The following URI1 variants were observed in gnomAD, a reference collection of about 807,000 sequenced individuals.
The protein encoded by URI1 is URI1 prefoldin like chaperone.
In URI1, 39 loss-of-function variants were observed where a neutral mutation model predicts 60.2. The ratio of observed to expected loss-of-function variants is 0.65; its 90% CI spans 0.50 to 0.85. URI1 has a LOEUF of 0.85. URI1 is among the 40% of genes least tolerant of loss of function. URI1 has a pLI of 0.00. For missense variants in URI1, 691 were observed against 665.9 expected (o/e 1.04, Z -0.42); for synonymous variants, 251 against 236.8 (o/e 1.06, Z -0.55).
At chr19:29,949,162 G>C (rs1487274817) in intron 1 of URI1, among the ~76,000 whole-genome samples, 2 of 150,250 alleles carry the variant, frequency 1.3e-5, no homozygotes. Context: ...TGGGGCGGCT[G>C]TGGGGCAGAG....
chr19:29,985,271 C>G lies in URI1; in HGVS notation c.201C>G (p.Thr67=), dbSNP rs778359406. The G allele has an allele frequency of 3.3e-5, 53 of 1,610,728 alleles. No individual in the cohort carries two copies. The highest frequency in any genetic ancestry group is 4.2e-5 in the Non-Finnish European group (49 of 1,178,376). ...ATGCCCTTCGAGAAAGACTCAGCAC[C>G]TTGCCTGATAAATTGTCTTATAATA... ...DYNALRERLS[T]LPDKLSYNIM... is the part of the protein sequence containing the mutation. Residue 67 remains threonine, a synonymous_variant, in exon 3 of 11, where the codon ACC becomes ACG. Transcript: ENST00000392271.
At chr19:29,991,396 T>C (rs1885713630) in intron 4 of URI1, among the ~76,000 whole-genome samples, 1 of 152,210 alleles carries the variant, frequency 6.6e-6, no homozygotes, top group African/African-American at 2.4e-5. Flanking sequence ...TAAAATCTTG[T>C]TTTTCAAGTG....
At chr19:29,928,621 C>T (rs964799209) in intron 1 of URI1, among the ~76,000 whole-genome samples, 1 of 152,012 alleles carries the variant, frequency 6.6e-6, no homozygotes, top group Non-Finnish European at 1.5e-5. Flanking sequence ...GGAGGGGAAG[C>T]GGGGAGGCTC....
At chr19:29,963,554 C>G (rs147951666) in intron 1 of URI1, among the ~76,000 whole-genome samples, 23 of 152,202 alleles carry the variant, frequency 1.5e-4, no homozygotes, top group African/African-American at 5.5e-4. Context: ...ACACCAGTAT[C>G]TAGATTGCAT....
intron 4 of URI1, among the ~76,000 whole-genome samples, chr19:29,995,616 C>T (rs1053721575): frequency 2.0e-5 from 3 of 150,330 alleles, no homozygotes; most frequent in Non-Finnish European, 4.4e-5. Flanking sequence ...GTTTGATGCA[C>T]AAAAATTTTT....
chr19:29,948,837 C>A (rs978554430), intron 1 of URI1, among the ~76,000 whole-genome samples: 5 of 152,220 alleles, frequency 3.3e-5, no homozygotes, highest in Non-Finnish European at 5.9e-5. Context: ...ATGGCCTGTT[C>A]TCAGTGAGCT....
chr19:29,995,640 C>G (rs953195324), intron 4 of URI1, among the ~76,000 whole-genome samples: 5 of 149,920 alleles, frequency 3.3e-5, no homozygotes, highest in African/African-American at 1.2e-4. Context: ...TTTCACTGTC[C>G]AGTTAGTGTT....
chr19:29,975,466 CCTAA>C (rs2055508789), intron 2 of URI1, among the ~76,000 whole-genome samples: 1 of 150,840 alleles, frequency 6.6e-6, no homozygotes, highest in Non-Finnish European at 1.5e-5. Context: ...ATAGGTTCCT[CCTAA>C]CTTTGTCCCC....
At chr19:30,006,545 T>G (rs1330692834) in intron 6 of URI1, among the ~76,000 whole-genome samples, 1 of 152,088 alleles carries the variant, frequency 6.6e-6, no homozygotes, top group Non-Finnish European at 1.5e-5. Flanking sequence ...AGTGACAAAT[T>G]ATGAGCGCTA....
Position 29,985,254 on chromosome 19 carries a change from C to T in URI1, c.184C>T (p.Arg62Ter), listed in dbSNP as rs1251134751. The T allele has an allele frequency of 5.0e-6, 8 of 1,595,814 alleles. No homozygotes were observed. The highest frequency in any genetic ancestry group is 2.2e-5 in the South Asian group (2 of 90,402). The change falls in exon 3 of 11, where the codon CGA (arginine) becomes TGA (stop). Residue 62 changes from arginine to a stop codon, truncating the protein, a stop_gained. Coordinates refer to ENST00000392271, the MANE Select transcript of URI1 (RefSeq NM_003796.3). LOFTEE classifies it high-confidence loss of function. ...KKVDNDYNALRERLSTLPDKL... is the reference protein window; with the variant it reads ...KKVDNDYNAL Reference sequence around the variant, plus strand: ...GGTAGATAATGACTATAATGCCCTTCGAGAAAGACTCAGCACCTTGCCTGA... The same window carrying T: ...GGTAGATAATGACTATAATGCCCTTTGAGAAAGACTCAGCACCTTGCCTGA...
At chr19:29,928,011 C>T (rs1324542982) in intron 1 of URI1, among the ~76,000 whole-genome samples, 4 of 152,094 alleles carry the variant, frequency 2.6e-5, no homozygotes. Context: ...TCCCTTGGAA[C>T]TCAACAGGCG....
intron 4 of URI1, among the ~76,000 whole-genome samples, chr19:29,998,428 C>G (rs1008189190): frequency 2.0e-5 from 3 of 152,152 alleles, no homozygotes; most frequent in East Asian, 3.9e-4. Context: ...CATGTCTCCT[C>G]CAGCTATTAT....
At chr19:29,976,973 A>T (rs1421429381) in intron 2 of URI1, among the ~76,000 whole-genome samples, 3 of 152,186 alleles carry the variant, frequency 2.0e-5, no homozygotes, top group South Asian at 2.1e-4. Flanking sequence ...AATACTCAAC[A>T]TTTTTTTATT....
At chr19:30,003,053 G>C (rs899092490) in intron 4 of URI1, among the ~76,000 whole-genome samples, 2 of 151,934 alleles carry the variant, frequency 1.3e-5, no homozygotes, top group Non-Finnish European at 2.9e-5. Context: ...AAATGTAATA[G>C]CATGGTTTCT....
chr19:29,950,471 G>A (rs1201980530), intron 1 of URI1, among the ~76,000 whole-genome samples: 1 of 152,116 alleles, frequency 6.6e-6, no homozygotes, highest in East Asian at 1.9e-4. Context: ...AATTATAAAA[G>A]TACAGGAAAG....
chr19:29,951,645 C>T (rs1251911243), intron 1 of URI1, among the ~76,000 whole-genome samples: 1 of 151,660 alleles, frequency 6.6e-6, no homozygotes, highest in Non-Finnish European at 1.5e-5. Flanking sequence ...CTCCTGGGTT[C>T]GAGTGACTCT....
At chr19:29,941,923 G>T (rs2055028292), upstream of URI1, among the ~76,000 whole-genome samples, 2 of 151,730 alleles carry the variant, frequency 1.3e-5, no homozygotes, top group Non-Finnish European at 2.9e-5. Flanking sequence ...GGGCACTCAA[G>T]GCGACACGCG....
chr19:29,943,122 TA>T (rs397966770), intron 1 of URI1, among the ~76,000 whole-genome samples: 57 of 149,222 alleles, frequency 3.8e-4, no homozygotes, highest in Non-Finnish European at 5.1e-4. Context: ...ATTTAAACAT[TA>T]AAAAAAAAAG....
At chr19:29,957,367 A>G (rs1304700837) in intron 1 of URI1, among the ~76,000 whole-genome samples, 3 of 150,492 alleles carry the variant, frequency 2.0e-5, no homozygotes, top group African/African-American at 7.3e-5. Context: ...AAAAAATTCT[A>G]GGGATTCTGG....
Sources: gnomAD v4.1 joint callset for allele counts (sites outside exome capture counted in the v4.1 genomes callset) on GRCh38, gnomAD v4.1.1 for gene constraint, MANE v1.5 for transcripts, NCBI Gene and HGNC (gene_info 2026-07-23, HGNC 2026-07-21) for gene names.